The following PARN variants were observed in gnomAD, a reference collection of about 807,000 sequenced individuals.
The protein encoded by PARN is poly(A)-specific ribonuclease PARN.
In PARN, 71 loss-of-function variants were observed where a neutral mutation model predicts 102.8. The ratio of observed to expected loss-of-function variants is 0.69; its 90% CI spans 0.57 to 0.84. The LOEUF is 0.84. PARN is among the 40% of genes least tolerant of loss of function. The probability of loss-of-function intolerance (pLI) is 0.00; values close to 1 mark genes in which losing one functional copy is unlikely to be tolerated. For missense variants in PARN, 782 were observed against 760.9 expected, an observed-to-expected ratio of 1.03 and a Z score of -0.33; for synonymous variants, 261 against 252.9, an observed-to-expected ratio of 1.03 and a Z score of -0.30.
At chr16:14,608,457 C>A (rs1971326538) in intron 8 of PARN, 138 bp from the exon 9 acceptor site, 12 of 604,754 alleles carry the variant, frequency 2.0e-5, no homozygotes. Flanking sequence ...CAAAAATACG[C>A]AGGTTTTTTG....
At chr16:14,445,823 C>CA (rs1339256285) in intron 23 of PARN, among the ~76,000 whole-genome samples, 1 of 152,226 alleles carries the variant, frequency 6.6e-6, no homozygotes, top group Admixed American at 6.5e-5. Flanking sequence ...CTTGGCCTCC[C>CA]AAAGTGCTCG....
intron 21 of PARN, among the ~76,000 whole-genome samples, chr16:14,507,642 T>C (rs1002591054): frequency 1.3e-5 from 2 of 151,512 alleles, no homozygotes; most frequent in African/African-American, 2.4e-5. Context: ...TGAGCCAAGA[T>C]TGCACCACTG....
chr16:14,569,741 A>T (rs1355458955), intron 18 of PARN, among the ~76,000 whole-genome samples: 1 of 152,176 alleles, frequency 6.6e-6, no homozygotes, highest in African/African-American at 2.4e-5. Context: ...ACATTCATAG[A>T]CAGATTAGAG....
chr16:14,470,727 G>T (rs1962687577), intron 22 of PARN, among the ~76,000 whole-genome samples: 1 of 152,062 alleles, frequency 6.6e-6, no homozygotes, highest in South Asian at 2.1e-4. Flanking sequence ...CCAAAGGGCT[G>T]GGATTATAGG....
At position 14,587,411 on chromosome 16, in the gene PARN, T is replaced by C. The variant is rs143790441; in HGVS notation, c.919-1050A>G. Among the ~76,000 whole-genome samples, 155 of 152,348 alleles carry C rather than the reference T, an allele frequency of 1.0e-3. 1 individual carries two copies. The highest frequency in any genetic ancestry group is 3.4e-3 in the African/African-American group (142 of 41,580). ...CATGCTCAAGTATCAAGATAGTTCATAAGAAAACACTCTCCTCTAAAAGGC... is the reference window on the plus strand; with the variant it reads ...CATGCTCAAGTATCAAGATAGTTCACAAGAAAACACTCTCCTCTAAAAGGC... On this transcript the variant is annotated intron_variant, in intron 13 of 23. Coordinates refer to ENST00000437198, the MANE Select transcript of PARN (RefSeq NM_002582.4).
intron 12 of PARN, among the ~76,000 whole-genome samples, chr16:14,595,565 C>T (rs984446845): frequency 6.6e-6 from 1 of 152,058 alleles, no homozygotes; most frequent in African/African-American, 2.4e-5. Flanking sequence ...TGCAGTCTTG[C>T]TCTGTTGCCC....
intron 21 of PARN, among the ~76,000 whole-genome samples, chr16:14,543,380 A>AT (rs2151691758): frequency 6.6e-6 from 1 of 152,368 alleles, no homozygotes; most frequent in African/African-American, 2.4e-5. Flanking sequence ...TCAGGCATGA[A>AT]TGAGGAACAC....
rs1379533430 is a variant in PARN, at chr16:14,584,257, C to A, written c.1081+90G>T. 5.9e-6 allele frequency: 5 copies of A among 853,484 alleles called. No homozygotes were observed. The East Asian group carries it at 1.2e-4, about 21-fold the overall frequency. The allele number at this position is 853,484 out of a possible 1,614,324, so 52.9% of individuals were successfully genotyped here. On this transcript the variant is annotated intron_variant, in intron 16 of 23. Coordinates refer to ENST00000437198, the MANE Select transcript of PARN (RefSeq NM_002582.4). ...AGCCAAAATCTATAAATGAACAATACGGTCTCCAGAGCCATTCTGCTTTTC... is the reference window on the plus strand; with the variant it reads ...AGCCAAAATCTATAAATGAACAATAAGGTCTCCAGAGCCATTCTGCTTTTC...
At chr16:14,477,144 AG>A (rs1192234824) in intron 22 of PARN, among the ~76,000 whole-genome samples, 2 of 152,212 alleles carry the variant, frequency 1.3e-5, no homozygotes, top group Non-Finnish European at 2.9e-5. Flanking sequence ...GCAAACGCTA[AG>A]TATAAGAAAA....
intron 13 of PARN, among the ~76,000 whole-genome samples, chr16:14,592,257 G>A (rs997589435): frequency 2.0e-5 from 3 of 152,160 alleles, no homozygotes; most frequent in Non-Finnish European, 2.9e-5. Context: ...TTTGAGCCAC[G>A]TCAATTCAAA....
chr16:14,495,754 A>C (rs1420565118), intron 21 of PARN, among the ~76,000 whole-genome samples: 3 of 152,188 alleles, frequency 2.0e-5, no homozygotes, highest in Admixed American at 6.5e-5. Flanking sequence ...CATGGATAAA[A>C]TGTAGCACAA....
At position 14,482,665 on chromosome 16, in the gene PARN, A is replaced by G; in HGVS notation, c.1643T>C (p.Leu548Pro). The G allele has an allele frequency of 6.2e-7, 1 of 1,607,072 alleles. No homozygotes were observed. The highest frequency in any genetic ancestry group is 1.1e-5 in the South Asian group (1 of 89,438). ...ATTGTTGCGGTAATAGTGATTCTGC[A>G]GGGTGTAGGGTATGCACTGGGGGTT... ...RLNPQCIPYT[L>P]QNHYYRNNSF... Residue 548 changes from leucine to proline, a missense_variant, in exon 22 of 24, where the codon CTG (leucine) becomes CCG (proline). By Grantham distance (98) the Leu-to-Pro change is moderately conservative (BLOSUM62 -3). Transcript: ENST00000437198.
At chr16:14,490,307 C>G (rs1233026175) in intron 21 of PARN, among the ~76,000 whole-genome samples, 1 of 152,158 alleles carries the variant, frequency 6.6e-6, no homozygotes, top group Admixed American at 6.5e-5. Flanking sequence ...GCCCAAGGTC[C>G]CAAAGATTAC....
chr16:14,451,135 T>G (rs1368519938), intron 22 of PARN, among the ~76,000 whole-genome samples: 1 of 152,140 alleles, frequency 6.6e-6, no homozygotes, highest in African/African-American at 2.4e-5. Flanking sequence ...TCGTCCGTAC[T>G]CTCCCACATG....
intron 22 of PARN, among the ~76,000 whole-genome samples, chr16:14,471,691 T>C (rs1297428705): frequency 6.6e-6 from 1 of 152,170 alleles, no homozygotes; most frequent in Non-Finnish European, 1.5e-5. Flanking sequence ...CAATCACCGC[T>C]CTACTTTCTG....
Position 14,582,255 on chromosome 16 carries a change from G to C in PARN, c.1118C>G (p.Ser373Cys), listed in dbSNP as rs1224156619. ...AEGFPSYDTA[S>C]EQLHEAGYDA... Reference sequence around the variant, plus strand: ...GTAGCCTGCCTCGTGGAGTTGTTCAGAGGCTGTGTCATAACTTGGAAAACC... The same window carrying C: ...GTAGCCTGCCTCGTGGAGTTGTTCACAGGCTGTGTCATAACTTGGAAAACC... The change falls in exon 17 of 24, where the codon TCT becomes TGT. Residue 373 changes from serine to cysteine, a missense_variant. Transcript: ENST00000437198. The C allele has an allele frequency of 6.2e-7, 1 of 1,613,872 alleles. No homozygotes were observed. The highest frequency in any genetic ancestry group is 1.1e-5 in the South Asian group (1 of 91,086).
chr16:14,557,276 A>G (rs1485886795), intron 18 of PARN, among the ~76,000 whole-genome samples: 1 of 151,992 alleles, frequency 6.6e-6, no homozygotes, highest in Admixed American at 6.6e-5. Context: ...AAAGCCAAGC[A>G]GGGCCAGGCG....
At chr16:14,594,954 C>T (rs560714797) in intron 12 of PARN, among the ~76,000 whole-genome samples, 1 of 152,078 alleles carries the variant, frequency 6.6e-6, no homozygotes, top group Admixed American at 6.5e-5. Context: ...TAGGTAACCC[C>T]AAATGGAATG....
In PARN at chr16:14,464,153, A is replaced by G. The variant is rs184177204; in HGVS notation, c.1671-17072T>C. Among the ~76,000 whole-genome samples the G allele has an allele frequency of 3.1e-3, 474 of 152,212 alleles. 6 individuals are homozygous for G. The highest frequency in any genetic ancestry group is 9.4e-4 in the Non-Finnish European group (64 of 68,004). ...CCACTGCACCCAGCCCAACATGTCC[A>G]AACTTGATGAAAGCTATAAATCCAG... On this transcript the variant is annotated intron_variant, in intron 22 of 23. Coordinates refer to ENST00000437198, the MANE Select transcript of PARN (RefSeq NM_002582.4).
Sources: gnomAD v4.1 joint callset for allele counts (sites outside exome capture counted in the v4.1 genomes callset) on GRCh38, gnomAD v4.1.1 for gene constraint, MANE v1.5 for transcripts, NCBI Gene and HGNC (gene_info 2026-07-23, HGNC 2026-07-21) for gene names.